Variants in DYM observed in about 807,000 individuals in gnomAD.
DYM encodes the protein dymeclin.
DYM carries 78 observed loss-of-function variants against 93.1 expected under a neutral mutation model. That is an observed-to-expected ratio of 0.84 (90% CI 0.70 to 1.01). The LOEUF is 1.01. DYM is among the 50% of genes least tolerant of loss of function. The pLI is 0.00. For synonymous variants in DYM, 321 were observed against 319.7 expected, an observed-to-expected ratio of 1.00 and a Z score of -0.04; for missense variants, 789 against 845.0, an observed-to-expected ratio of 0.93 and a Z score of 0.82.
intron 15 of DYM, among the ~76,000 whole-genome samples, chr18:49,147,793 C>T (rs1192765857): frequency 7.9e-5 from 12 of 152,146 alleles, no homozygotes. Flanking sequence ...GGCGATTCCT[C>T]AGGGATCTAG....
At chr18:49,412,583 T>G (rs2072395082) in intron 2 of DYM, among the ~76,000 whole-genome samples, 1 of 152,194 alleles carries the variant, frequency 6.6e-6, no homozygotes, top group African/African-American at 2.4e-5. Flanking sequence ...TACATTATTT[T>G]GGTCACCAAC....
intron 17 of DYM, among the ~76,000 whole-genome samples, chr18:49,047,685 G>A (rs1256806280): frequency 6.6e-6 from 1 of 152,090 alleles, no homozygotes; most frequent in African/African-American, 2.4e-5. Context: ...GAGTTTGGGA[G>A]CCTCCTCATA....
rs533561740 is a variant in DYM at position 49,299,916 on chromosome 18, A to G, written c.764-13300T>C. Among the ~76,000 whole-genome samples the G allele has an allele frequency of 9.2e-3, 1,391 of 150,784 alleles. 19 individuals carry two copies. Among genetic ancestry groups the G allele is most frequent in the African/African-American group, 0.032 (1,320 of 41,160 alleles). ...AAATTAGCTGGGCGTGGTGGCAGGCACCTGTAGTCCCAGCTACTCGGGAGG... is the reference window on the plus strand; with the variant it reads ...AAATTAGCTGGGCGTGGTGGCAGGCGCCTGTAGTCCCAGCTACTCGGGAGG... On this transcript the variant is annotated intron_variant, in intron 8 of 17. Transcript: ENST00000675505.
At chr18:49,404,228 G>A (rs1014624670) in intron 2 of DYM, among the ~76,000 whole-genome samples, 27 of 152,030 alleles carry the variant, frequency 1.8e-4, no homozygotes, top group Non-Finnish European at 2.8e-4. Flanking sequence ...GGCTGGTCTC[G>A]AACTCCTGAC....
At chr18:49,385,057 C>A (rs2068456341) in intron 3 of DYM, among the ~76,000 whole-genome samples, 1 of 150,774 alleles carries the variant, frequency 6.6e-6, no homozygotes. Context: ...AGGAAAAAGT[C>A]TCATGAACAA....
At chr18:49,120,168 C>T (rs1568453173) in intron 15 of DYM, among the ~76,000 whole-genome samples, 2 of 147,076 alleles carry the variant, frequency 1.4e-5, no homozygotes, top group African/African-American at 5.0e-5. Flanking sequence ...AATTTCCATA[C>T]AGGAAGGCAG....
At chr18:49,411,759 A>G (rs1345109512) in intron 2 of DYM, 1 of 152,172 alleles carries the variant, frequency 6.6e-6, no homozygotes, top group Non-Finnish European at 1.5e-5. Flanking sequence ...CAAAACTGAC[A>G]TTTTATATTA....
chr18:49,142,549 A>C (rs2084639488), intron 15 of DYM, among the ~76,000 whole-genome samples: 1 of 152,238 alleles, frequency 6.6e-6, no homozygotes, highest in South Asian at 2.1e-4. Flanking sequence ...CAGATTTTCT[A>C]CAATCAATTC....
chr18:49,185,662 A>G (rs2090366367), intron 14 of DYM, among the ~76,000 whole-genome samples: 1 of 152,244 alleles, frequency 6.6e-6, no homozygotes, highest in Admixed American at 6.5e-5. Context: ...AGAAAAAAAT[A>G]ATAGCCACAT....
chr18:49,377,604 A>G (rs2067634036), intron 5 of DYM, among the ~76,000 whole-genome samples: 1 of 152,304 alleles, frequency 6.6e-6, no homozygotes, highest in African/African-American at 2.4e-5. Flanking sequence ...CTATAATAGA[A>G]TTTAAGAAAT....
intron 2 of DYM, among the ~76,000 whole-genome samples, chr18:49,403,041 C>A (rs1193988179): frequency 6.6e-6 from 1 of 152,166 alleles, no homozygotes. Flanking sequence ...AAGTGCCCAG[C>A]ACACAGCTCA....
intron 8 of DYM, among the ~76,000 whole-genome samples, chr18:49,294,811 T>C (rs751710517): frequency 6.6e-6 from 1 of 152,124 alleles, no homozygotes. Context: ...TACTATGCAC[T>C]GTCAGCCACA....
At position 49,220,745 on chromosome 18, in the gene DYM, A is replaced by G. The variant is rs2093317039; in HGVS notation, c.1461-11030T>C. Among the ~76,000 whole-genome samples, 3 of 152,250 alleles carry G rather than the reference A, an allele frequency of 2.0e-5. No individual in the cohort carries two copies. The South Asian group carries it at 6.2e-4, about 32-fold the overall frequency. ...GGATCTCTTCCTTACATCTTATACA[A>G]AAATTAATTCAAGATGGATTAAAGA... On this transcript the variant is annotated intron_variant, in intron 13 of 17. Coordinates refer to ENST00000675505, the MANE Select transcript of DYM (RefSeq NM_001353214.3).
chr18:49,056,641 G>A (rs1206692615), intron 17 of DYM, among the ~76,000 whole-genome samples: 2 of 151,866 alleles, frequency 1.3e-5, no homozygotes, highest in Non-Finnish European at 2.9e-5. Context: ...AGGCTCAAGC[G>A]ATCCTCCCAC....
chr18:49,117,851 T>C (rs1316289539), intron 16 of DYM, among the ~76,000 whole-genome samples: 2 of 152,176 alleles, frequency 1.3e-5, no homozygotes, highest in Non-Finnish European at 2.9e-5. Context: ...TTTGTGTTGA[T>C]GGAACATATA....
chr18:49,057,133 T>C (rs889560591), intron 17 of DYM, among the ~76,000 whole-genome samples: 5 of 152,268 alleles, frequency 3.3e-5, no homozygotes, highest in African/African-American at 1.2e-4. Context: ...GAAATTTAAC[T>C]GCACTGGTAT....
In DYM at chr18:49,044,234, C is replaced by T. The variant is rs75309715; in HGVS notation, c.2026-30G>A. ...AATGAAAATAAGATGATTTTATAATCCCACAGTTCCATGCACAAGCAAAAG... is the reference window on the plus strand; with the variant it reads ...AATGAAAATAAGATGATTTTATAATTCCACAGTTCCATGCACAAGCAAAAG... On this transcript the variant is annotated intron_variant, in intron 17 of 17. Transcript: ENST00000675505. The T allele has an allele frequency of 4.8e-3, 7,701 of 1,613,132 alleles. 239 individuals are homozygous for T. The South Asian group carries it at 0.056, about 12-fold the overall frequency.
chr18:49,163,926 C>G, intron 14 of DYM, 139 bp from the exon 15 acceptor site: 1 of 643,136 alleles, frequency 1.6e-6, no homozygotes. Flanking sequence ...CCTGTGTTAA[C>G]AGCAAGATTA....
At chr18:49,260,703 T>C (rs1209839116) in intron 11 of DYM, among the ~76,000 whole-genome samples, 2 of 152,148 alleles carry the variant, frequency 1.3e-5, no homozygotes, top group African/African-American at 2.4e-5. Context: ...AGAGTTCCCA[T>C]CTTGAACACT....
Sources: gnomAD v4.1 joint callset for allele counts (sites outside exome capture counted in the v4.1 genomes callset) on GRCh38, gnomAD v4.1.1 for gene constraint, MANE v1.5 for transcripts, NCBI Gene and HGNC (gene_info 2026-07-23, HGNC 2026-07-21) for gene names.